Variants in LHFPL3 observed in about 807,000 individuals in gnomAD.
The protein encoded by LHFPL3 is LHFPL tetraspan subfamily member 3 protein.
A neutral mutation model predicts 19.3 loss-of-function variants in LHFPL3; 5 were observed. The ratio of observed to expected loss-of-function variants is 0.26; its 90% confidence interval spans 0.14 to 0.54. LHFPL3 has a LOEUF of 0.54. Ranked by LOEUF, LHFPL3 falls within the 20% of genes least tolerant of loss-of-function variation. The pLI is 0.94. For missense variants in LHFPL3, 249 were observed against 307.4 expected, an observed-to-expected ratio of 0.81 and a Z score of 1.42; for synonymous variants, 133 against 126.2, an observed-to-expected ratio of 1.05 and a Z score of -0.36.
Position 104,798,215 on chromosome 7 carries a change from G to A in LHFPL3, c.682+61304G>A, listed in dbSNP as rs1330119244. ...GAGAAACAAAAGAAAAAGATTATTC[G>A]TAATTTGTCTCTTAAATAATCTAGA... On this transcript the variant is annotated intron_variant, in intron 2 of 2. Transcript: ENST00000424859. The A allele has an allele frequency of 1.6e-4, 24 of 152,102 alleles. 1 individual carries two copies. Among genetic ancestry groups the A allele is most frequent in the Admixed American group, 1.3e-3 (20 of 15,262 alleles). 9.4% of individuals were successfully genotyped at this position (152,102 alleles called of 1,614,324 possible).
chr7:104,514,713 T>C (rs1309581520), intron 1 of LHFPL3, among the ~76,000 whole-genome samples: 1 of 152,170 alleles, frequency 6.6e-6, no homozygotes, highest in Non-Finnish European at 1.5e-5. Context: ...CTTGGGAAAC[T>C]GTAAATACAA....
chr7:104,654,725 G>T (rs867884970), intron 1 of LHFPL3, among the ~76,000 whole-genome samples: 1 of 152,008 alleles, frequency 6.6e-6, no homozygotes, highest in Non-Finnish European at 1.5e-5. Flanking sequence ...CCCATGTTTT[G>T]GATATTTACC....
intron 1 of LHFPL3, among the ~76,000 whole-genome samples, chr7:104,643,142 C>T (rs1480038122): frequency 1.3e-5 from 2 of 152,184 alleles, no homozygotes; most frequent in Non-Finnish European, 2.9e-5. Flanking sequence ...TCCACCAAAT[C>T]TCTCCTTTTG....
chr7:104,411,994 G>T (rs1791543472), intron 1 of LHFPL3, among the ~76,000 whole-genome samples: 1 of 152,094 alleles, frequency 6.6e-6, no homozygotes, highest in Non-Finnish European at 1.5e-5. Context: ...CAAGCTTCAA[G>T]AGAACAGAAC....
intron 1 of LHFPL3, among the ~76,000 whole-genome samples, chr7:104,561,843 G>A (rs61395976): frequency 0.19 from 28,494 of 152,012 alleles, 3,035 homozygotes; most frequent in Non-Finnish European, 0.24. Flanking sequence ...TCCATGTTTA[G>A]TGCTTCCTTC....
chr7:104,458,725 T>TA (rs56023324), intron 1 of LHFPL3, among the ~76,000 whole-genome samples: 2,270 of 142,830 alleles, frequency 0.016, 42 homozygotes, highest in African/African-American at 0.042. Context: ...CTTTCTTTCT[T>TA]AAAAAAAAAA....
At position 104,568,665 on chromosome 7, in the gene LHFPL3, T is replaced by C. The variant is rs145266840; in HGVS notation, c.446-168010T>C. On this transcript the variant is annotated intron_variant, in intron 1 of 2. Transcript: ENST00000424859. ...ACCTAACTCCTGATTGCAGCCTATA[T>C]GCTGTGCTGAGAATCATACTGCCCA... Among the ~76,000 whole-genome samples, 386 of 152,316 alleles carry C rather than the reference T, an allele frequency of 2.5e-3. 2 individuals are homozygous for C. The highest frequency in any genetic ancestry group is 8.8e-3 in the African/African-American group (366 of 41,572).
At position 104,602,073 on chromosome 7, in the gene LHFPL3, T is replaced by TACAGTGGC. The variant is rs58492760; in HGVS notation, c.446-134600_446-134593dup. Among the ~76,000 whole-genome samples, 570 of 128,486 alleles carry TACAGTGGC rather than the reference T, an allele frequency of 4.4e-3. 32 individuals carry two copies. The East Asian group carries it at 0.12, about 27-fold the overall frequency. The allele number at this position is 128,486 out of a possible 152,430, so 84.3% of individuals were successfully genotyped here. A position where few individuals can be genotyped will look rare whatever the true frequency, so the allele number is the denominator to read the frequency against. On this transcript the variant is annotated intron_variant, in intron 1 of 2. Coordinates refer to ENST00000424859, the MANE Select transcript of LHFPL3 (RefSeq NM_199000.3). ...CCTTGCTCTGTCACCCATGCTGGAGTACAGTGGCATTATCTCAGTTCACTG... is the reference window on the plus strand; with the variant it reads ...CCTTGCTCTGTCACCCATGCTGGAGTACAGTGGCACAGTGGCATTATCTCAGTTCACTG...
At chr7:104,693,764 C>T (rs112262153) in intron 1 of LHFPL3, among the ~76,000 whole-genome samples, 127 of 150,188 alleles carry the variant, frequency 8.5e-4, no homozygotes, top group Admixed American at 1.9e-3. Flanking sequence ...GGACTACAGG[C>T]GCCCGCCACC....
intron 1 of LHFPL3, among the ~76,000 whole-genome samples, chr7:104,400,264 A>ATGAT (rs1791289504): frequency 6.6e-6 from 1 of 151,590 alleles, no homozygotes; most frequent in South Asian, 2.1e-4. Context: ...ATTCTCTTTT[A>ATGAT]TGATGATGGA....
At chr7:104,490,244 T>C (rs755416069) in intron 1 of LHFPL3, among the ~76,000 whole-genome samples, 5 of 152,174 alleles carry the variant, frequency 3.3e-5, no homozygotes, top group African/African-American at 1.2e-4. Flanking sequence ...ATAAATAAGA[T>C]AAAAATGACC....
Position 104,430,405 on chromosome 7 carries a change from CATATATATATAT to C in LHFPL3, c.445+101183_445+101194del, listed in dbSNP as rs1465027136. Reference sequence around the variant, plus strand: ...ATACATATATATATATATATATATACATATATATATATACATATATATATATATATATATATA... The same window carrying C: ...ATACATATATATATATATATATATACACATATATATATATATATATATATA... On this transcript the variant is annotated intron_variant, in intron 1 of 2. Coordinates refer to ENST00000424859, the MANE Select transcript of LHFPL3 (RefSeq NM_199000.3). 7.6e-4 allele frequency among the ~76,000 whole-genome samples: 17 copies of C among 22,456 alleles called. 2 individuals are homozygous for C. Among genetic ancestry groups the C allele is most frequent in the Admixed American group, 2.9e-3 (4 of 1,360 alleles). 14.7% of individuals were successfully genotyped at this position (22,456 alleles called of 152,430 possible). A position where few individuals can be genotyped will look rare whatever the true frequency, so the allele number is the denominator to read the frequency against.
chr7:104,521,321 T>C (rs1230179201), intron 1 of LHFPL3, among the ~76,000 whole-genome samples: 2 of 152,214 alleles, frequency 1.3e-5, no homozygotes, highest in African/African-American at 2.4e-5. Flanking sequence ...GATAGTTTGT[T>C]ATAATTTCTG....
chr7:104,469,612 T>G (rs1179847454), intron 1 of LHFPL3, among the ~76,000 whole-genome samples: 1 of 152,192 alleles, frequency 6.6e-6, no homozygotes, highest in Non-Finnish European at 1.5e-5. Flanking sequence ...TCAGTTTTCC[T>G]GCTTACCCCA....
intron 1 of LHFPL3, among the ~76,000 whole-genome samples, chr7:104,582,963 A>C (rs569906025): frequency 2.2e-4 from 33 of 152,152 alleles, no homozygotes; most frequent in Middle Eastern, 3.4e-3. Context: ...ATGAGGTTTT[A>C]AAATGCTATC....
intron 2 of LHFPL3, among the ~76,000 whole-genome samples, chr7:104,792,665 T>G (rs1338204724): frequency 6.6e-6 from 1 of 152,226 alleles, no homozygotes; most frequent in African/African-American, 2.4e-5. Context: ...TATTCTGGTT[T>G]TCTCATATTC....
At chr7:104,822,432 C>T (rs867132753) in intron 2 of LHFPL3, among the ~76,000 whole-genome samples, 1 of 152,198 alleles carries the variant, frequency 6.6e-6, no homozygotes, top group African/African-American at 2.4e-5. Context: ...TACTCAACCT[C>T]ACCACTATTG....
At chr7:104,596,665 C>A (rs1790867408) in intron 1 of LHFPL3, among the ~76,000 whole-genome samples, 1 of 152,194 alleles carries the variant, frequency 6.6e-6, no homozygotes, top group East Asian at 1.9e-4. Flanking sequence ...AAACGTCATA[C>A]CTGCCTTGGT....
At chr7:104,848,659 G>A (rs201379255) in intron 2 of LHFPL3, among the ~76,000 whole-genome samples, 2 of 147,336 alleles carry the variant, frequency 1.4e-5, no homozygotes, top group African/African-American at 2.5e-5. Flanking sequence ...AGGAGAAGGG[G>A]AAAGGAGGAG....
Sources: gnomAD v4.1 joint callset for allele counts (sites outside exome capture counted in the v4.1 genomes callset) on GRCh38, gnomAD v4.1.1 for gene constraint, MANE v1.5 for transcripts, NCBI Gene and HGNC (gene_info 2026-07-23, HGNC 2026-07-21) for gene names.